The following ERBB4 variants were observed in gnomAD, a reference collection of about 807,000 sequenced individuals.
ERBB4 encodes the protein receptor tyrosine-protein kinase erbB-4.
ERBB4 carries 42 observed loss-of-function variants against 158.0 expected under a neutral mutation model. The ratio of observed to expected loss-of-function variants is 0.27; its 90% confidence interval spans 0.21 to 0.34. ERBB4 has a LOEUF of 0.34. ERBB4 is among the 10% of genes least tolerant of loss of function. The pLI is 1.00. For missense variants in ERBB4, 1,333 were observed against 1,624.1 expected, an observed-to-expected ratio of 0.82 and a Z score of 3.08; for synonymous variants, 583 against 558.7, an observed-to-expected ratio of 1.04 and a Z score of -0.61.
intron 3 of ERBB4, among the ~76,000 whole-genome samples, chr2:211,934,398 G>A (rs2080257293): frequency 6.6e-6 from 1 of 151,758 alleles, no homozygotes; most frequent in African/African-American, 2.4e-5. Context: ...TTCAAAAAGT[G>A]GAGTGGCTAT....
At chr2:211,968,036 A>G (rs1406022148) in intron 2 of ERBB4, among the ~76,000 whole-genome samples, 1 of 152,046 alleles carries the variant, frequency 6.6e-6, no homozygotes, top group East Asian at 1.9e-4. Flanking sequence ...CATTAATTAC[A>G]TTTTTAAGAT....
At chr2:211,909,002 GA>G (rs1347458607) in intron 3 of ERBB4, among the ~76,000 whole-genome samples, 1 of 151,458 alleles carries the variant, frequency 6.6e-6, no homozygotes, top group East Asian at 2.0e-4. Context: ...AAGACTGATT[GA>G]AAAATGTAAA....
chr2:212,426,431 T>C (rs2091914614), intron 1 of ERBB4: 2 of 420,670 alleles, frequency 4.8e-6, no homozygotes, highest in South Asian at 1.9e-5. Context: ...TTTTCAAGTG[T>C]CTTAGTAATT....
chr2:211,780,257 A>G (rs1277471214), intron 4 of ERBB4, among the ~76,000 whole-genome samples: 1 of 152,094 alleles, frequency 6.6e-6, no homozygotes, highest in Non-Finnish European at 1.5e-5. Context: ...TCAGCTACTC[A>G]AGAGGCTGAA....
intron 1 of ERBB4, among the ~76,000 whole-genome samples, chr2:212,369,610 GTTTAC>G (rs1283749068): frequency 6.6e-6 from 1 of 151,722 alleles, no homozygotes; most frequent in Non-Finnish European, 1.5e-5. Flanking sequence ...TATGGCATTT[GTTTAC>G]TTTAATCCAT....
intron 20 of ERBB4, among the ~76,000 whole-genome samples, chr2:211,518,204 A>T (rs983874815): frequency 6.6e-6 from 1 of 152,084 alleles, no homozygotes; most frequent in Non-Finnish European, 1.5e-5. Context: ...GGGGGTAAAA[A>T]TTCTCCCAAC....
chr2:212,316,138 C>A (rs2087266440), intron 1 of ERBB4, among the ~76,000 whole-genome samples: 1 of 151,412 alleles, frequency 6.6e-6, no homozygotes. Context: ...GATTCACAGA[C>A]CACCTTTTTT....
intron 19 of ERBB4, among the ~76,000 whole-genome samples, chr2:211,581,663 T>C (rs2068108537): frequency 6.6e-6 from 1 of 152,246 alleles, no homozygotes; most frequent in Admixed American, 6.5e-5. Context: ...CCACAGTTGG[T>C]TGTATTTTCT....
chr2:211,932,099 C>T (rs150749367), intron 3 of ERBB4, among the ~76,000 whole-genome samples: 188 of 152,060 alleles, frequency 1.2e-3, no homozygotes, highest in African/African-American at 4.2e-3. Flanking sequence ...TAGGGCTAGA[C>T]GAGAATATTT....
chr2:211,767,800 T>C (rs986299495), intron 4 of ERBB4, among the ~76,000 whole-genome samples: 2 of 152,160 alleles, frequency 1.3e-5, no homozygotes, highest in African/African-American at 2.4e-5. Flanking sequence ...TTATGGGAAC[T>C]ACAATTCAAG....
At chr2:212,023,583 C>A (rs761704426) in intron 2 of ERBB4, among the ~76,000 whole-genome samples, 6 of 151,932 alleles carry the variant, frequency 3.9e-5, no homozygotes, top group Non-Finnish European at 8.8e-5. Context: ...AGTGCAACTT[C>A]TCTTTCTCAA....
intron 3 of ERBB4, among the ~76,000 whole-genome samples, chr2:211,869,627 T>C (rs2078293356): frequency 6.6e-6 from 1 of 152,128 alleles, no homozygotes; most frequent in South Asian, 2.1e-4. Flanking sequence ...TAAATGTTTA[T>C]TGAACTAAGT....
intron 1 of ERBB4, among the ~76,000 whole-genome samples, chr2:212,140,510 C>T (rs1464451): frequency 0.64 from 94,884 of 147,624 alleles, 31,446 homozygotes; most frequent in African/African-American, 0.74. Context: ...AAGTATATTT[C>T]ATTTTTAAAA....
intron 25 of ERBB4, among the ~76,000 whole-genome samples, chr2:211,401,154 T>C (rs903870749): frequency 6.6e-6 from 1 of 152,034 alleles, no homozygotes; most frequent in African/African-American, 2.4e-5. Context: ...CTTAGAACTC[T>C]CAGAGCCCTC....
chr2:211,443,725 A>G (rs1460049042), intron 20 of ERBB4, among the ~76,000 whole-genome samples: 2 of 152,092 alleles, frequency 1.3e-5, no homozygotes, highest in East Asian at 1.9e-4. Flanking sequence ...ATATGCAGCC[A>G]TAGGCACGTT....
At chr2:212,191,584 T>C (rs191219683) in intron 1 of ERBB4, among the ~76,000 whole-genome samples, 48 of 62,084 alleles carry the variant, frequency 7.7e-4, no homozygotes, top group African/African-American at 2.6e-3. Context: ...GTTATGCCTG[T>C]TATATATAAC....
At chr2:212,346,252 G>A (rs910438242) in intron 1 of ERBB4, among the ~76,000 whole-genome samples, 1 of 151,960 alleles carries the variant, frequency 6.6e-6, no homozygotes, top group Non-Finnish European at 1.5e-5. Flanking sequence ...TAACAGATGT[G>A]CTGTATCTAT....
chr2:212,496,743 A>T (rs1023391606), intron 1 of ERBB4, among the ~76,000 whole-genome samples: 2 of 152,188 alleles, frequency 1.3e-5, no homozygotes, highest in African/African-American at 4.8e-5. Flanking sequence ...CTCTATGCTG[A>T]CTTCATAAAA....
At chr2:211,510,271 T>A (rs376499835) in intron 20 of ERBB4, among the ~76,000 whole-genome samples, 1 of 152,092 alleles carries the variant, frequency 6.6e-6, no homozygotes, top group Non-Finnish European at 1.5e-5. Context: ...TGGGTACTCA[T>A]GCACATAAAG....
Sources: gnomAD v4.1 joint callset for allele counts (sites outside exome capture counted in the v4.1 genomes callset) on GRCh38, gnomAD v4.1.1 for gene constraint, MANE v1.5 for transcripts, NCBI Gene and HGNC (gene_info 2026-07-23, HGNC 2026-07-21) for gene names.